The following SLC26A2 variants were observed in gnomAD, a reference collection of about 807,000 sequenced individuals.
The protein encoded by SLC26A2 is solute carrier family 26 member 2.
SLC26A2 carries 36 observed loss-of-function variants against 41.1 expected under a neutral mutation model. That is an observed-to-expected ratio of 0.88 (90% CI 0.67 to 1.16). SLC26A2 has a LOEUF of 1.16. Among genes scored for constraint, SLC26A2 ranks in the 50% most tolerant of loss-of-function variants. The pLI is 0.00. For missense variants in SLC26A2, 796 were observed against 869.6 expected (o/e 0.92, Z 1.07); for synonymous variants, 291 against 311.6 (o/e 0.93, Z 0.70).
chr5:149,967,103 C>T (rs1254696393), intron 1 of SLC26A2, among the ~76,000 whole-genome samples: 4 of 152,168 alleles, frequency 2.6e-5, no homozygotes, highest in South Asian at 4.1e-4. Context: ...TTCAAGGCTG[C>T]AGTGAACTAT....
intron 1 of SLC26A2, among the ~76,000 whole-genome samples, chr5:149,970,344 CA>C (rs1233780367): frequency 1.3e-5 from 2 of 151,980 alleles, no homozygotes; most frequent in Admixed American, 1.3e-4. Flanking sequence ...CCTGTCTCTA[CA>C]AAGAAATAAA....
chr5:149,981,325 A>T lies in SLC26A2; in HGVS notation c.1732A>T (p.Ile578Phe), dbSNP rs987116484. The change falls in exon 3 of 3, where the codon ATC (isoleucine) becomes TTC (phenylalanine). Residue 578 changes from isoleucine to phenylalanine, a missense_variant. Coordinates refer to ENST00000286298, the MANE Select transcript of SLC26A2 (RefSeq NM_000112.4). ...AYKNLQIKPG[I>F]KIFRFVAPLY... ...CAAGAACCTTCAGATTAAGCCAGGC[A>T]TCAAGATTTTCCGCTTTGTAGCCCC... 16 of 1,614,160 alleles carry T rather than the reference A, an allele frequency of 9.9e-6. No homozygotes were observed. The African/African-American group carries it at 1.5e-4, about 15-fold the overall frequency.
chr5:149,969,267 G>A (rs2113689965), intron 1 of SLC26A2, among the ~76,000 whole-genome samples: 1 of 152,236 alleles, frequency 6.6e-6, no homozygotes, highest in East Asian at 1.9e-4. Context: ...GGAAGATAAA[G>A]CACATATTCA....
chr5:149,966,158 G>T (rs775731560), intron 1 of SLC26A2, among the ~76,000 whole-genome samples: 16 of 152,166 alleles, frequency 1.1e-4, no homozygotes, highest in Non-Finnish European at 1.9e-4. Context: ...GCATGCCTCG[G>T]CCTTCCGAAG....
chr5:149,967,903 C>T (rs1754832619), intron 1 of SLC26A2, among the ~76,000 whole-genome samples: 1 of 152,082 alleles, frequency 6.6e-6, no homozygotes, highest in Non-Finnish European at 1.5e-5. Context: ...GCATGAGCCA[C>T]CCTGCCTGGC....
At chr5:149,975,898 C>T (rs946197493) in intron 1 of SLC26A2, among the ~76,000 whole-genome samples, 3 of 152,088 alleles carry the variant, frequency 2.0e-5, no homozygotes, top group African/African-American at 7.2e-5. Context: ...TGGCTCGTGC[C>T]TGTTATCCCA....
rs1754690027 is a variant in SLC26A2, at chr5:149,960,906, T to G, written c.-99T>G. On this transcript the variant is annotated 5_prime_UTR_variant, in exon 1 of 3. Transcript: ENST00000286298. ...GTATAGCTCTGTCGGCGCCGCGGTGTCCACCTCAGTCAGGCCACGGTGGAA... is the reference window on the plus strand; with the variant it reads ...GTATAGCTCTGTCGGCGCCGCGGTGGCCACCTCAGTCAGGCCACGGTGGAA... 2 of 152,300 alleles carry G rather than the reference T, an allele frequency of 1.3e-5. No individual in the cohort carries two copies. The highest frequency in any genetic ancestry group is 4.8e-5 in the African/African-American group (2 of 41,444). 9.4% of individuals were successfully genotyped at this position (152,300 alleles called of 1,614,324 possible). A position where few individuals can be genotyped will look rare whatever the true frequency, so the allele number is the denominator to read the frequency against.
chr5:149,978,402 T>C, intron 2 of SLC26A2, 51 bp downstream of exon 2: 1 of 1,274,466 alleles, frequency 7.8e-7, no homozygotes, highest in Non-Finnish European at 1.1e-6. Flanking sequence ...ATCTAGTACA[T>C]GAAATCTCAT....
Position 149,978,228 on chromosome 5 carries a change from T to C in SLC26A2, c.576T>C (p.Pro192=). ...GCTATGACAATGCCCATAGTGCTCC[T>C]TCCTTAGGAATGGTTTCAAATGGGA... The part of the protein sequence containing the change: ...KAGYDNAHSA[P]SLGMVSNGST... The change falls in exon 2 of 3, where the codon CCT becomes CCC. Residue 192 remains proline (P), a synonymous_variant. Coordinates refer to ENST00000286298, the MANE Select transcript of SLC26A2 (RefSeq NM_000112.4). 1 of 1,614,124 alleles carries C rather than the reference T, an allele frequency of 6.2e-7. No individual in the cohort carries two copies. Among genetic ancestry groups the C allele is most frequent in the Non-Finnish European group, 8.5e-7 (1 of 1,179,974 alleles).
rs1755188137 is a variant in SLC26A2 at position 149,985,740 on chromosome 5, G to C, written c.*3927G>C. 1.3e-5 allele frequency: 2 copies of C among 152,104 alleles called. No homozygotes were observed. Among genetic ancestry groups the C allele is most frequent in the African/African-American group, 4.8e-5 (2 of 41,410 alleles). The allele number at this position is 152,104 out of a possible 1,614,324, so 9.4% of individuals were successfully genotyped here. On this transcript the variant is annotated 3_prime_UTR_variant, in exon 3 of 3. Transcript: ENST00000286298. ...TTACAGATGAGCCATACGTTTCTTT[G>C]TATCAATGTAGACATGACTTCAGAT...
intron 1 of SLC26A2, among the ~76,000 whole-genome samples, chr5:149,969,297 A>G (rs1754860697): frequency 6.6e-6 from 1 of 152,196 alleles, no homozygotes; most frequent in Admixed American, 6.5e-5. Flanking sequence ...TATTGAACAT[A>G]TAAATGGAAT....
chr5:149,967,400 AC>A (rs1754823955), intron 1 of SLC26A2, among the ~76,000 whole-genome samples: 1 of 151,866 alleles, frequency 6.6e-6, no homozygotes, highest in Non-Finnish European at 1.5e-5. Flanking sequence ...TCTCTCTCCT[AC>A]CCCACCTTAC....
chr5:149,980,256 C>T, intron 2 of SLC26A2, 37 bp from the exon 3 acceptor site: 5 of 1,522,632 alleles, frequency 3.3e-6, no homozygotes, highest in Non-Finnish European at 4.6e-6. Context: ...AAGTTCTTTT[C>T]CATTTATATT....
chr5:149,979,171 C>G (rs1287414304), intron 2 of SLC26A2, among the ~76,000 whole-genome samples: 1 of 152,096 alleles, frequency 6.6e-6, no homozygotes, highest in Non-Finnish European at 1.5e-5. Context: ...GATAAGAAAT[C>G]AAATTCTTGA....
rs538600815 is a variant in SLC26A2, at chr5:149,964,585, G to A, written c.-26+3606G>A. ...GAGGTCAGGAGCTCGAGACCATCCT[G>A]GCTAACACGGTGAAACTCTGTCTCT... is the stretch of plus-strand genomic sequence containing the variant. On this transcript the variant is annotated intron_variant, in intron 1 of 2. Transcript: ENST00000286298. Among the ~76,000 whole-genome samples the A allele has an allele frequency of 2.6e-5, 4 of 152,242 alleles. No individual in the cohort carries two copies. The East Asian group carries it at 7.7e-4, about 29-fold the overall frequency.
chr5:149,972,010 C>T (rs1754913580), intron 1 of SLC26A2, among the ~76,000 whole-genome samples: 1 of 152,164 alleles, frequency 6.6e-6, no homozygotes, highest in African/African-American at 2.4e-5. Flanking sequence ...ACATAACATT[C>T]TCATTTCTGA....
Position 149,981,190 on chromosome 5 carries a change from G to A in SLC26A2, c.1597G>A (p.Val533Ile), listed in dbSNP as rs1755092395. ...GCTAAGTACTGAAATAGGCCTACTTGTTGGGGTTTGTTTTTCTATATTTTG... is the reference window on the plus strand; with the variant it reads ...GCTAAGTACTGAAATAGGCCTACTTATTGGGGTTTGTTTTTCTATATTTTG... ...ALLSTEIGLL[V>I]GVCFSIFCVI... is the part of the protein sequence containing the mutation. Residue 533 changes from valine (V) to isoleucine (I), a missense_variant, in exon 3 of 3, where the codon GTT (valine) becomes ATT (isoleucine). By Grantham distance (29) the Val-to-Ile change is conservative (BLOSUM62 3). Transcript: ENST00000286298. The A allele has an allele frequency of 6.2e-7, 1 of 1,614,024 alleles. No homozygotes were observed.
chr5:149,981,653 AT>A lies in SLC26A2; in HGVS notation c.2061del (p.Thr689LeufsTer2). 1 of 1,614,036 alleles carries A rather than the reference AT, an allele frequency of 6.2e-7. No homozygotes were observed. Among genetic ancestry groups the A allele is most frequent in the Non-Finnish European group, 8.5e-7 (1 of 1,179,962 alleles). On this transcript the variant is annotated frameshift_variant, in exon 3 of 3. Coordinates refer to ENST00000286298, the MANE Select transcript of SLC26A2 (RefSeq NM_000112.4). LOFTEE classifies it high-confidence loss of function. ...IGIQVLLAQC[N>X]PTVRDSLTNG... ...ATCCAGGTTCTGCTGGCTCAGTGCA[AT>A]CCCACTGTGAGGGATTCCCTAACCA... is the stretch of plus-strand genomic sequence containing the variant.
chr5:149,971,286 T>C (rs968160760), intron 1 of SLC26A2, among the ~76,000 whole-genome samples: 3 of 152,238 alleles, frequency 2.0e-5, no homozygotes, highest in African/African-American at 7.2e-5. Context: ...TGGGCCTTTA[T>C]AGTGCTGTGA....
Sources: allele counts gnomAD v4.1 joint callset (sites outside exome capture counted in the v4.1 genomes callset), GRCh38; gene constraint gnomAD v4.1.1; transcripts MANE v1.5; gene names NCBI Gene and HGNC (gene_info 2026-07-23, HGNC 2026-07-21).